The following STYX variants were observed in gnomAD, a reference collection of about 807,000 sequenced individuals.
The protein encoded by STYX is serine/threonine/tyrosine interacting protein.
A neutral mutation model predicts 42.7 loss-of-function variants in STYX; 20 were observed. The observed-to-expected ratio is 0.47, with a 90% CI of 0.33 to 0.68. The LOEUF (loss-of-function observed/expected upper bound fraction) is 0.68, where lower values mean the gene tolerates loss of function less well. STYX is among the 30% of genes least tolerant of loss of function. The pLI, the probability that STYX is intolerant of heterozygous loss-of-function variation, is 0.02. For synonymous variants in STYX, 78 were observed against 81.9 expected, an observed-to-expected ratio of 0.95 and a Z score of 0.26; for missense variants, 226 against 268.5, an observed-to-expected ratio of 0.84 and a Z score of 1.11.
At chr14:52,734,158 C>T (rs1175557780) in intron 1 of STYX, among the ~76,000 whole-genome samples, 3 of 152,182 alleles carry the variant, frequency 2.0e-5, no homozygotes, top group Admixed American at 1.3e-4. Flanking sequence ...GCCAATTTCC[C>T]GTCTACTGTG....
At position 52,771,284 on chromosome 14, in the gene STYX, A is replaced by G. The variant is rs1882500972; in HGVS notation, c.*178A>G. The G allele has an allele frequency of 3.7e-6, 2 of 533,840 alleles. No individual in the cohort carries two copies. Among genetic ancestry groups the G allele is most frequent in the Non-Finnish European group, 6.6e-6 (2 of 304,926 alleles). The allele number at this position is 533,840 out of a possible 1,614,324, so 33.1% of individuals were successfully genotyped here. ...TTTTAAGATGTTGGACTTCTGCAAT[A>G]GATGACACTGATGGTTTTACTCCTT... On this transcript the variant is annotated 3_prime_UTR_variant, in exon 11 of 11. Transcript: ENST00000354586.
At chr14:52,756,244 G>A (rs1881861918) in intron 4 of STYX, among the ~76,000 whole-genome samples, 1 of 152,114 alleles carries the variant, frequency 6.6e-6, no homozygotes, top group African/African-American at 2.4e-5. Flanking sequence ...TCGAATCCCT[G>A]GGCTCAAGTG....
chr14:52,742,070 C>G (rs1399724453), intron 1 of STYX, among the ~76,000 whole-genome samples: 2 of 152,114 alleles, frequency 1.3e-5, no homozygotes, highest in African/African-American at 4.8e-5. Flanking sequence ...GCAATCTACC[C>G]AGGACCACTT....
At chr14:52,737,107 A>AGTATTGT (rs1414169148) in intron 1 of STYX, among the ~76,000 whole-genome samples, 1 of 151,996 alleles carries the variant, frequency 6.6e-6, no homozygotes, top group Non-Finnish European at 1.5e-5. Context: ...GTTTTATTTT[A>AGTATTGT]GTATTGTGTA....
chr14:52,764,539 A>G (rs1019365448), intron 9 of STYX, among the ~76,000 whole-genome samples: 5 of 151,632 alleles, frequency 3.3e-5, no homozygotes, highest in African/African-American at 1.2e-4. Context: ...AATCTTATCT[A>G]TTATTATTTC....
At chr14:52,755,770 G>A (rs376413527) in intron 4 of STYX, among the ~76,000 whole-genome samples, 95 of 141,852 alleles carry the variant, frequency 6.7e-4, no homozygotes, top group African/African-American at 2.2e-3. Context: ...CATACCTTCC[G>A]TTTTTATTTG....
chr14:52,762,573 GTCTT>G (rs918620986), intron 9 of STYX, among the ~76,000 whole-genome samples: 5 of 151,498 alleles, frequency 3.3e-5, no homozygotes, highest in Middle Eastern at 3.4e-3. Flanking sequence ...AAATTGGTTT[GTCTT>G]TCTTTTTTTT....
intron 1 of STYX, among the ~76,000 whole-genome samples, chr14:52,736,264 A>G (rs1448972097): frequency 1.3e-5 from 2 of 152,198 alleles, no homozygotes; most frequent in African/African-American, 4.8e-5. Context: ...CAGTTTCTCT[A>G]ACTCCTTTCC....
Position 52,771,043 on chromosome 14 carries a change from G to C in STYX, c.609G>C (p.Lys203Asn). 1 of 1,612,708 alleles carries C rather than the reference G, an allele frequency of 6.2e-7. No homozygotes were observed. Among genetic ancestry groups the C allele is most frequent in the Non-Finnish European group, 8.5e-7 (1 of 1,179,030 alleles). Reference sequence around the variant, plus strand: ...TGCAATAACTTTTAGGCAGTTTGAAGAGAACACATGAAGAAGAGGATGATT... The same window carrying C: ...TGCAATAACTTTTAGGCAGTTTGAACAGAACACATGAAGAAGAGGATGATT... ...SVHSGTTGSL[K>N]RTHEEEDDFG... The change falls in exon 11 of 11, where the codon AAG becomes AAC. Residue 203 changes from lysine to asparagine, a missense_variant. Lys to Asn is a moderately conservative substitution (Grantham distance 94, BLOSUM62 0). Coordinates refer to ENST00000354586, the MANE Select transcript of STYX (RefSeq NM_145251.4).
In STYX at chr14:52,768,422, T is replaced by A. The variant is rs561272259; in HGVS notation, c.505-418T>A. ...CTTCTCATTTTCAGGGTAATGGATG[T>A]TTCCTAGTTTCATCAAATGTTTTCC... is the stretch of plus-strand genomic sequence containing the variant. On this transcript the variant is annotated intron_variant, in intron 9 of 10. Transcript: ENST00000354586. Among the ~76,000 whole-genome samples the A allele has an allele frequency of 3.3e-5, 5 of 152,304 alleles. No individual in the cohort carries two copies. In the South Asian group the frequency reaches 6.2e-4, roughly 19 times the overall value.
chr14:52,744,266 C>T (rs1881310933), intron 1 of STYX, among the ~76,000 whole-genome samples: 1 of 152,042 alleles, frequency 6.6e-6, no homozygotes, highest in South Asian at 2.1e-4. Context: ...AAAATGAAGT[C>T]TCTTATGTTT....
intron 1 of STYX, among the ~76,000 whole-genome samples, chr14:52,732,323 C>A (rs1880761138): frequency 7.4e-6 from 1 of 135,582 alleles, no homozygotes; most frequent in African/African-American, 2.8e-5. Context: ...CTGGAATGAT[C>A]TTGCAGTGGT....
chr14:52,757,725 T>A lies in STYX; in HGVS notation c.341-18T>A. 1 of 1,613,018 alleles carries A rather than the reference T, an allele frequency of 6.2e-7. No homozygotes were observed. The highest frequency in any genetic ancestry group is 8.5e-7 in the Non-Finnish European group (1 of 1,179,370). ...CTCAGGTGTTTTTCTATTAGAATAATGAATTCATGTTTTTCAGGAAAAGTT... is the reference window on the plus strand; with the variant it reads ...CTCAGGTGTTTTTCTATTAGAATAAAGAATTCATGTTTTTCAGGAAAAGTT... On this transcript the variant is annotated intron_variant, in intron 6 of 10. Coordinates refer to ENST00000354586, the MANE Select transcript of STYX (RefSeq NM_145251.4).
chr14:52,760,186 A>G (rs558189466), intron 9 of STYX, among the ~76,000 whole-genome samples: 1 of 152,290 alleles, frequency 6.6e-6, no homozygotes, highest in Admixed American at 6.5e-5. Context: ...TGGCCCACAG[A>G]GTGAGACCCC....
chr14:52,735,660 A>G (rs1185341283), intron 1 of STYX, among the ~76,000 whole-genome samples: 1 of 152,230 alleles, frequency 6.6e-6, no homozygotes, highest in Non-Finnish European at 1.5e-5. Context: ...GTGATCAGCC[A>G]GCATTGTTTC....
intron 9 of STYX, among the ~76,000 whole-genome samples, chr14:52,767,432 T>C (rs1186009399): frequency 6.6e-6 from 1 of 152,246 alleles, no homozygotes; most frequent in Non-Finnish European, 1.5e-5. Flanking sequence ...GTATAAGTTT[T>C]ATGGCATTTT....
At chr14:52,749,913 G>A (rs1312200877) in intron 3 of STYX, among the ~76,000 whole-genome samples, 3 of 152,246 alleles carry the variant, frequency 2.0e-5, no homozygotes, top group East Asian at 3.9e-4. Context: ...TGCACCAAAT[G>A]ACTGTATGAA....
chr14:52,741,726 A>G (rs1418862152), intron 1 of STYX, among the ~76,000 whole-genome samples: 3 of 152,202 alleles, frequency 2.0e-5, no homozygotes, highest in African/African-American at 7.2e-5. Flanking sequence ...GGTGTAAGCC[A>G]CCGCACCTGG....
At chr14:52,735,044 G>A (rs1056536773) in intron 1 of STYX, among the ~76,000 whole-genome samples, 2 of 150,798 alleles carry the variant, frequency 1.3e-5, no homozygotes, top group African/African-American at 2.4e-5. Context: ...GAGACAGAGC[G>A]AGACTCCATC....
Sources: allele counts gnomAD v4.1 joint callset (sites outside exome capture counted in the v4.1 genomes callset), GRCh38; gene constraint gnomAD v4.1.1; transcripts MANE v1.5; gene names NCBI Gene and HGNC (gene_info 2026-07-23, HGNC 2026-07-21).